GFPT1: variants seen among roughly 807,000 people sequenced by gnomAD.
GFPT1 encodes the protein glutamine--fructose-6-phosphate aminotransferase [isomerizing] 1.
In GFPT1, 40 loss-of-function variants were observed where a neutral mutation model predicts 92.0. The ratio of observed to expected loss-of-function variants is 0.43; its 90% CI spans 0.34 to 0.57. GFPT1 has a LOEUF of 0.57. Among genes scored for constraint, GFPT1 ranks in the 20% least tolerant of loss-of-function variants. The pLI, the probability that GFPT1 is intolerant of heterozygous loss-of-function variation, is 0.02. For synonymous variants in GFPT1, 269 were observed against 280.6 expected (o/e 0.96, Z 0.41); for missense variants, 448 against 869.1 (o/e 0.52, Z 6.09).
At chr2:69,351,235 T>C (rs1395389113) in intron 9 of GFPT1, among the ~76,000 whole-genome samples, 1 of 152,234 alleles carries the variant, frequency 6.6e-6, no homozygotes, top group Admixed American at 6.5e-5. Context: ...TTCAGAATTA[T>C]GACACCTCTA....
At chr2:69,382,558 A>T (rs187288228) in intron 1 of GFPT1, among the ~76,000 whole-genome samples, 17 of 152,322 alleles carry the variant, frequency 1.1e-4, no homozygotes, top group Admixed American at 9.8e-4. Flanking sequence ...CTGCAGTATT[A>T]CATATGAATG....
rs1253306060 is a variant in GFPT1 at position 69,346,829 on chromosome 2, A to C, written c.1010-830T>G. On this transcript the variant is annotated intron_variant, in intron 11 of 19. Coordinates refer to ENST00000357308, the MANE Select transcript of GFPT1 (RefSeq NM_001244710.2). ...ACTGCAGCCTCAATCTCCTGGGCTC[A>C]AGCAATTCTCACACCTCAGCCACCT... Among the ~76,000 whole-genome samples the C allele has an allele frequency of 2.0e-5, 3 of 152,144 alleles. No individual in the cohort carries two copies. The East Asian group carries it at 5.8e-4, about 29-fold the overall frequency.
chr2:69,335,016 T>A (rs1011833502), intron 15 of GFPT1, among the ~76,000 whole-genome samples: 6 of 152,032 alleles, frequency 3.9e-5, no homozygotes, highest in Admixed American at 2.6e-4. Flanking sequence ...AATTTTTATT[T>A]TTTTTTTTAA....
At position 69,372,708 on chromosome 2, in the gene GFPT1, G is replaced by A. The variant is rs186069860; in HGVS notation, c.115+1298C>T. 2.0e-5 allele frequency among the ~76,000 whole-genome samples: 3 copies of A among 152,316 alleles called. No individual in the cohort carries two copies. The East Asian group carries it at 5.8e-4, about 29-fold the overall frequency. On this transcript the variant is annotated intron_variant, in intron 2 of 19. Transcript: ENST00000357308. The stretch of plus-strand genomic sequence containing the variant: ...ATGTGCTGTCAAGGAAGCTAAGGAA[G>A]GAGAGAATTTTAAAAACAAAGGAGT...
chr2:69,385,679 C>T (rs1672113681), intron 1 of GFPT1, among the ~76,000 whole-genome samples: 1 of 152,048 alleles, frequency 6.6e-6, no homozygotes, highest in Non-Finnish European at 1.5e-5. Context: ...ATGAAGCACA[C>T]TGGAGATTGA....
chr2:69,340,922 C>A (rs1670934839), intron 13 of GFPT1, among the ~76,000 whole-genome samples: 1 of 152,098 alleles, frequency 6.6e-6, no homozygotes, highest in Non-Finnish European at 1.5e-5. Flanking sequence ...ATCTAAGCCA[C>A]CACTAACGTG....
In GFPT1 at chr2:69,369,222, G is replaced by A. The variant is rs140074291; in HGVS notation, c.223+779C>T. Among the ~76,000 whole-genome samples the A allele has an allele frequency of 2.6e-5, 4 of 151,876 alleles. No individual in the cohort carries two copies. The East Asian group carries it at 7.7e-4, about 29-fold the overall frequency. On this transcript the variant is annotated intron_variant, in intron 3 of 19. Coordinates refer to ENST00000357308, the MANE Select transcript of GFPT1 (RefSeq NM_001244710.2). ...TTTAATTCGTTAAACAAGTACTACAGAGCTAAACGTATGGCTTATGTGGGA... is the reference window on the plus strand; with the variant it reads ...TTTAATTCGTTAAACAAGTACTACAAAGCTAAACGTATGGCTTATGTGGGA...
intron 6 of GFPT1, among the ~76,000 whole-genome samples, chr2:69,357,184 A>T (rs1334282665): frequency 6.6e-6 from 1 of 152,236 alleles, no homozygotes; most frequent in Non-Finnish European, 1.5e-5. Context: ...CTATATCGTC[A>T]TAATACTATG....
intron 15 of GFPT1, among the ~76,000 whole-genome samples, chr2:69,330,444 A>T (rs893280676): frequency 1.4e-4 from 22 of 152,252 alleles, no homozygotes; most frequent in Admixed American, 1.2e-3. Context: ...GTAAGTCAAA[A>T]GGCAAGTGCT....
chr2:69,337,823 G>T, intron 15 of GFPT1, 75 bp downstream of exon 15: 1 of 1,165,712 alleles, frequency 8.6e-7, no homozygotes, highest in South Asian at 1.2e-5. Flanking sequence ...ATAAGATACA[G>T]ACTAGTCTAC....
intron 12 of GFPT1, 101 bp from the exon 13 acceptor site, chr2:69,342,350 G>C: frequency 1.3e-6 from 1 of 770,534 alleles, no homozygotes; most frequent in South Asian, 1.4e-5. Flanking sequence ...GAAGAATACT[G>C]CTGTTTTAAA....
In GFPT1 at chr2:69,332,867, G is replaced by A. The variant is rs1047199688; in HGVS notation, c.1483-3069C>T. Among the ~76,000 whole-genome samples the A allele has an allele frequency of 2.3e-3, 10 of 4,352 alleles. No homozygotes were observed. In the African/African-American group the frequency reaches 0.026, roughly 11 times the overall value. The allele number at this position is 4,352 out of a possible 152,430, so 2.9% of individuals were successfully genotyped here. A position where few individuals can be genotyped will look rare whatever the true frequency, so the allele number is the denominator to read the frequency against. On this transcript the variant is annotated intron_variant, in intron 15 of 19. Transcript: ENST00000357308. Reference sequence around the variant, plus strand: ...GGATTACTCCATTAGTGATTTCCTGGCATGATGTGGATGAGACTCCCTCTA... The same window carrying A: ...GGATTACTCCATTAGTGATTTCCTGACATGATGTGGATGAGACTCCCTCTA...
intron 9 of GFPT1, among the ~76,000 whole-genome samples, chr2:69,350,552 T>A (rs889513558): frequency 6.6e-6 from 1 of 152,154 alleles, no homozygotes; most frequent in African/African-American, 2.4e-5. Context: ...TCTTAACACA[T>A]AAAAGTTTGT....
chr2:69,326,369 T>C (rs888575763), intron 19 of GFPT1, 136 bp from the exon 20 acceptor site: 16 of 655,276 alleles, frequency 2.4e-5, no homozygotes, highest in Non-Finnish European at 3.5e-5. Flanking sequence ...TATTACAGAC[T>C]ACAAAGAATT....
chr2:69,338,658 TG>T, intron 13 of GFPT1, 93 bp from the exon 14 acceptor site: 1 of 1,269,372 alleles, frequency 7.9e-7, no homozygotes, highest in Non-Finnish European at 1.1e-6. Flanking sequence ...TTGCTTTTTC[TG>T]ATTACAAAAA....
At chr2:69,338,337 G>T in intron 14 of GFPT1, 108 bp downstream of exon 14, 2 of 923,334 alleles carry the variant, frequency 2.2e-6, no homozygotes, top group Non-Finnish European at 1.7e-6. Context: ...TATTCGTCAA[G>T]TCATCTGCAA....
chr2:69,368,789 T>C (rs529564391), intron 3 of GFPT1, among the ~76,000 whole-genome samples: 5 of 152,158 alleles, frequency 3.3e-5, no homozygotes, highest in South Asian at 4.2e-4. Context: ...TATGCTGACA[T>C]TGAAAAATGG....
intron 15 of GFPT1, among the ~76,000 whole-genome samples, chr2:69,330,044 CCT>C (rs1381606471): frequency 6.6e-6 from 1 of 151,986 alleles, no homozygotes; most frequent in Non-Finnish European, 1.5e-5. Context: ...ATAGCGAAAC[CCT>C]GTCTCTAAAA....
Position 69,338,639 on chromosome 2 carries a change from G to A in GFPT1, c.1204-74C>T. 2.7e-6 allele frequency: 4 copies of A among 1,496,160 alleles called. No individual in the cohort carries two copies. The East Asian group carries it at 6.8e-5, about 26-fold the overall frequency. 92.7% of individuals were successfully genotyped at this position (1,496,160 alleles called of 1,614,324 possible). On this transcript the variant is annotated intron_variant, in intron 13 of 19. Coordinates refer to ENST00000357308, the MANE Select transcript of GFPT1 (RefSeq NM_001244710.2). ...TTCATCGGACTTCTTTGGATTCAAT[G>A]TATAGTTTTTGCTTTTTCTGATTAC...
Sources: allele counts gnomAD v4.1 joint callset (sites outside exome capture counted in the v4.1 genomes callset), GRCh38; gene constraint gnomAD v4.1.1; transcripts MANE v1.5; gene names NCBI Gene and HGNC (gene_info 2026-07-23, HGNC 2026-07-21).